Variants in TRAPPC6B observed in about 807,000 individuals in gnomAD.
TRAPPC6B encodes the protein trafficking protein particle complex subunit 6B, also known as TRAPP complex subunit 6B.
A neutral mutation model predicts 24.7 loss-of-function variants in TRAPPC6B; 27 were observed. The ratio of observed to expected loss-of-function variants is 1.09; its 90% CI spans 0.81 to 1.51. The LOEUF (loss-of-function observed/expected upper bound fraction) is 1.51. Among genes scored for constraint, TRAPPC6B ranks in the 40% most tolerant of loss-of-function variants. TRAPPC6B has a pLI of 0.00. For synonymous variants in TRAPPC6B, 80 were observed against 66.6 expected (o/e 1.20, Z -0.98); for missense variants, 212 against 190.8 (o/e 1.11, Z -0.66).
At chr14:39,168,783 G>C (rs1401603208) in intron 1 of TRAPPC6B, among the ~76,000 whole-genome samples, 2 of 152,050 alleles carry the variant, frequency 1.3e-5, no homozygotes, top group African/African-American at 4.8e-5. Flanking sequence ...CACTATCCCT[G>C]TCTTAATCCA....
At chr14:39,159,307 T>C (rs2053026013) in intron 2 of TRAPPC6B, 176 bp downstream of exon 2, 1 of 353,886 alleles carries the variant, frequency 2.8e-6, no homozygotes, top group Non-Finnish European at 5.0e-6. Flanking sequence ...AAAATAAAAT[T>C]TGAATAAATG....
In TRAPPC6B at chr14:39,168,316, T is replaced by C. The variant is rs545767079; in HGVS notation, c.81+1699A>G. On this transcript the variant is annotated intron_variant, in intron 1 of 5. Transcript: ENST00000330149. ...AGTGGTTTGGGGGGATCGGGGGTTA[T>C]GACAAAAAAGTAAAAGGGGTGTGTT... 9.9e-5 allele frequency among the ~76,000 whole-genome samples: 15 copies of C among 151,634 alleles called. No homozygotes were observed. In the South Asian group the frequency reaches 3.1e-3, roughly 32 times the overall value.
chr14:39,159,716 C>G (rs569249030), intron 1 of TRAPPC6B, among the ~76,000 whole-genome samples, 166 bp from the exon 2 acceptor site: 1 of 151,758 alleles, frequency 6.6e-6, no homozygotes, highest in East Asian at 1.9e-4. Flanking sequence ...ATTTATTTTA[C>G]TTTACTTTTA....
rs2053154919 is a variant in TRAPPC6B at position 39,170,201 on chromosome 14, C to G, written c.-106G>C. The G allele has an allele frequency of 9.5e-7, 1 of 1,055,702 alleles. No homozygotes were observed. Among genetic ancestry groups the G allele is most frequent in the East Asian group, 2.4e-5 (1 of 41,788 alleles). 65.4% of individuals were successfully genotyped at this position (1,055,702 alleles called of 1,614,324 possible). A position where few individuals can be genotyped will look rare whatever the true frequency, so the allele number is the denominator to read the frequency against. On this transcript the variant is annotated 5_prime_UTR_variant, in exon 1 of 6. Coordinates refer to ENST00000330149, the MANE Select transcript of TRAPPC6B (RefSeq NM_001079537.2). ...TCGCCGGCGCCGCGGCTCCGTCAGG[C>G]CGCCATTCTATCCCTGTGGCTAAGA...
At chr14:39,156,333 T>C (rs549465123) in intron 3 of TRAPPC6B, among the ~76,000 whole-genome samples, 33 of 152,102 alleles carry the variant, frequency 2.2e-4, no homozygotes, top group Non-Finnish European at 4.3e-4. Flanking sequence ...TAAAAATAAA[T>C]AAATAAATGA....
chr14:39,148,400 G>C lies in TRAPPC6B; in HGVS notation c.*1950C>G. 1 of 332,130 alleles carries C rather than the reference G, an allele frequency of 3.0e-6. No individual in the cohort carries two copies. Among genetic ancestry groups the C allele is most frequent in the Non-Finnish European group, 5.4e-6 (1 of 183,906 alleles). The allele number at this position is 332,130 out of a possible 1,614,324, so 20.6% of individuals were successfully genotyped here. ...CACTCACCCTCTCTAGGCTAGGGAA[G>C]CACCCTATTCTATAGCACAAGGCAG... On this transcript the variant is annotated 3_prime_UTR_variant, in exon 6 of 6. Coordinates refer to ENST00000330149, the MANE Select transcript of TRAPPC6B (RefSeq NM_001079537.2).
At position 39,150,176 on chromosome 14, in the gene TRAPPC6B, G is replaced by A. The variant is rs1356379511; in HGVS notation, c.*174C>T. The A allele has an allele frequency of 1.2e-5, 7 of 574,590 alleles. No individual in the cohort carries two copies. In the Admixed American group the frequency reaches 1.5e-4, roughly 13 times the overall value. 35.6% of individuals were successfully genotyped at this position (574,590 alleles called of 1,614,324 possible). Reference sequence around the variant, plus strand: ...TCATTTTGAATAGTTTTGGTTAAGTGTATGTCATGGCAGAATGTCCCTTCA... The same window carrying A: ...TCATTTTGAATAGTTTTGGTTAAGTATATGTCATGGCAGAATGTCCCTTCA... On this transcript the variant is annotated 3_prime_UTR_variant, in exon 6 of 6. Coordinates refer to ENST00000330149, the MANE Select transcript of TRAPPC6B (RefSeq NM_001079537.2).
chr14:39,164,600 T>C (rs1268159921), intron 1 of TRAPPC6B, among the ~76,000 whole-genome samples: 1 of 152,106 alleles, frequency 6.6e-6, no homozygotes, highest in Non-Finnish European at 1.5e-5. Flanking sequence ...TCCCAGTACA[T>C]TGGGAGGCCA....
intron 1 of TRAPPC6B, among the ~76,000 whole-genome samples, chr14:39,163,743 C>G (rs573044600): frequency 6.6e-6 from 1 of 150,960 alleles, no homozygotes; most frequent in Admixed American, 6.6e-5. Flanking sequence ...TCTAAGGAAC[C>G]ATGCACTCTG....
rs551793552 is a variant in TRAPPC6B, at chr14:39,150,215, G to C, written c.*135C>G. ...AATGTCCCTTCATCTCCTTTGATCT[G>C]TGTTAAATTGATAAAAATACATGCT... On this transcript the variant is annotated 3_prime_UTR_variant, in exon 6 of 6. Transcript: ENST00000330149. 1.3e-6 allele frequency: 1 copy of C among 752,522 alleles called. No homozygotes were observed. Among genetic ancestry groups the C allele is most frequent in the Non-Finnish European group, 2.1e-6 (1 of 469,360 alleles). The allele number at this position is 752,522 out of a possible 1,614,324, so 46.6% of individuals were successfully genotyped here. A position where few individuals can be genotyped will look rare whatever the true frequency, so the allele number is the denominator to read the frequency against.
chr14:39,167,607 TGTG>T (rs2053121057), intron 1 of TRAPPC6B, among the ~76,000 whole-genome samples: 1 of 152,212 alleles, frequency 6.6e-6, no homozygotes, highest in Non-Finnish European at 1.5e-5. Context: ...TGGACACTAA[TGTG>T]AACCCTTATA....
In TRAPPC6B at chr14:39,159,114, G is replaced by C. The variant is rs143239583; in HGVS notation, c.149+369C>G. The C allele has an allele frequency of 9.9e-3, 1,538 of 154,730 alleles. 14 individuals are homozygous for C. The highest frequency in any genetic ancestry group is 0.012 in the Non-Finnish European group (872 of 69,890). 9.6% of individuals were successfully genotyped at this position (154,730 alleles called of 1,614,324 possible). A position where few individuals can be genotyped will look rare whatever the true frequency, so the allele number is the denominator to read the frequency against. On this transcript the variant is annotated intron_variant, in intron 2 of 5. Transcript: ENST00000330149. ...AAAGATAATTACACGCATAAACATA[G>C]ACTATAGTTATTTCAAACCTATGTA...
chr14:39,166,313 T>C (rs1353665168), intron 1 of TRAPPC6B, among the ~76,000 whole-genome samples: 5 of 151,534 alleles, frequency 3.3e-5, no homozygotes, highest in Non-Finnish European at 4.4e-5. Context: ...TAAATCATGA[T>C]GCTCTTTTTG....
chr14:39,160,981 GA>G (rs1253781833), intron 1 of TRAPPC6B, among the ~76,000 whole-genome samples: 1 of 152,160 alleles, frequency 6.6e-6, no homozygotes, highest in Non-Finnish European at 1.5e-5. Context: ...GTCCAGTTAG[GA>G]GAAAACCAAG....
intron 3 of TRAPPC6B, chr14:39,157,235 G>T (rs922768637): frequency 5.7e-6 from 2 of 351,446 alleles, no homozygotes; most frequent in Non-Finnish European, 1.1e-5. Flanking sequence ...AAATGGCCCC[G>T]CTATATCAGG....
chr14:39,169,677 G>C (rs1360082845), intron 1 of TRAPPC6B, among the ~76,000 whole-genome samples: 1 of 152,164 alleles, frequency 6.6e-6, no homozygotes, highest in Non-Finnish European at 1.5e-5. Flanking sequence ...AGTGCTGGAA[G>C]TGCCAGCAAA....
At chr14:39,153,968 G>A (rs1026900977) in intron 4 of TRAPPC6B, among the ~76,000 whole-genome samples, 3 of 152,110 alleles carry the variant, frequency 2.0e-5, no homozygotes, top group African/African-American at 7.2e-5. Context: ...GCCTCCCAAA[G>A]TGCTGGGATT....
intron 3 of TRAPPC6B, chr14:39,156,598 G>A (rs2052981693): frequency 6.6e-6 from 1 of 152,118 alleles, no homozygotes. Flanking sequence ...AGTTTTCTAT[G>A]TAATCTATTA....
At chr14:39,162,900 T>G (rs1414931884) in intron 1 of TRAPPC6B, among the ~76,000 whole-genome samples, 2 of 143,512 alleles carry the variant, frequency 1.4e-5, no homozygotes, top group Non-Finnish European at 1.5e-5. Flanking sequence ...CCCCGTCCCT[T>G]AAACATGCCA....
Sources: gnomAD v4.1 joint callset for allele counts (sites outside exome capture counted in the v4.1 genomes callset) on GRCh38, gnomAD v4.1.1 for gene constraint, MANE v1.5 for transcripts, NCBI Gene and HGNC (gene_info 2026-07-23, HGNC 2026-07-21) for gene names.